Variants in IL1RAPL2 observed in about 807,000 individuals in gnomAD.
IL1RAPL2 encodes the protein X-linked interleukin-1 receptor accessory protein-like 2.
In IL1RAPL2, 3 loss-of-function variants were observed where a neutral mutation model predicts 44.1. That is an observed-to-expected ratio of 0.07 (90% CI 0.03 to 0.18). The LOEUF (loss-of-function observed/expected upper bound fraction) is 0.18. Ranked by LOEUF, IL1RAPL2 falls within the 10% of genes least tolerant of loss-of-function variation. The pLI is 1.00. For missense variants in IL1RAPL2, 391 were observed against 496.4 expected, an observed-to-expected ratio of 0.79 and a Z score of 2.02; for synonymous variants, 181 against 178.8, an observed-to-expected ratio of 1.01 and a Z score of -0.10.
intron 2 of IL1RAPL2, among the ~76,000 whole-genome samples, chrX:104,720,598 TAA>T (rs1248116991): frequency 1.8e-5 from 2 of 111,405 alleles, no homozygotes; most frequent in Non-Finnish European, 3.8e-5. Flanking sequence ...TCATGGTAGT[TAA>T]AGACTGATCT....
At chrX:105,693,830 G>A (rs1260811717) in intron 6 of IL1RAPL2, among the ~76,000 whole-genome samples, 5 of 111,062 alleles carry the variant, frequency 4.5e-5, no homozygotes, top group East Asian at 5.7e-4. Flanking sequence ...TTTGAAGCTC[G>A]AGGAAGCTGG....
At chrX:104,624,663 T>C (rs1298619615) in intron 1 of IL1RAPL2, among the ~76,000 whole-genome samples, 1 of 112,016 alleles carries the variant, frequency 8.9e-6, no homozygotes, top group African/African-American at 3.2e-5. Flanking sequence ...ACTTCCAGAA[T>C]TTATCTTACA....
At chrX:105,698,178 A>G (rs1388625124) in intron 6 of IL1RAPL2, among the ~76,000 whole-genome samples, 1 of 111,069 alleles carries the variant, frequency 9.0e-6, no homozygotes, top group African/African-American at 3.3e-5. Context: ...CATTGCCACT[A>G]TCATTATCAT....
rs778352099 is a variant in IL1RAPL2 at position 104,860,368 on chromosome X, G to T, written c.82+201373G>T. 3.6e-5 allele frequency among the ~76,000 whole-genome samples: 4 copies of T among 111,412 alleles called. No homozygotes were observed. In the South Asian group the frequency reaches 1.5e-3, roughly 42 times the overall value. On this transcript the variant is annotated intron_variant, in intron 2 of 10. Coordinates refer to ENST00000372582, the MANE Select transcript of IL1RAPL2 (RefSeq NM_017416.2). ...ATTTGCTTTTTCCCTATGTTTCTCTGTATCTACCTTTGTCCTTTGCATGTC... is the reference window on the plus strand; with the variant it reads ...ATTTGCTTTTTCCCTATGTTTCTCTTTATCTACCTTTGTCCTTTGCATGTC...
At chrX:105,261,642 T>G (rs1232645340) in intron 4 of IL1RAPL2, among the ~76,000 whole-genome samples, 1 of 111,723 alleles carries the variant, frequency 9.0e-6, no homozygotes, top group Non-Finnish European at 1.9e-5. Flanking sequence ...AGAGTAAGGC[T>G]GTTTTTACTG....
chrX:105,030,279 G>A (rs2031463527), intron 2 of IL1RAPL2, among the ~76,000 whole-genome samples: 1 of 110,963 alleles, frequency 9.0e-6, no homozygotes, highest in African/African-American at 3.3e-5. Flanking sequence ...TTTGGCTTTT[G>A]TTGCCATTGC....
intron 2 of IL1RAPL2, among the ~76,000 whole-genome samples, chrX:104,698,325 C>A (rs889183383): frequency 3.6e-5 from 4 of 112,132 alleles, no homozygotes; most frequent in African/African-American, 1.3e-4. Context: ...CAGCCCAACA[C>A]CCAAAGAAAA....
chrX:105,229,920 C>G (rs782653304), intron 3 of IL1RAPL2, among the ~76,000 whole-genome samples: 1 of 111,747 alleles, frequency 8.9e-6, no homozygotes, highest in Non-Finnish European at 1.9e-5. Context: ...GCCTCAGCCT[C>G]TGGAGTAGCT....
At chrX:105,675,676 G>T (rs927262507) in intron 6 of IL1RAPL2, among the ~76,000 whole-genome samples, 1 of 111,570 alleles carries the variant, frequency 9.0e-6, no homozygotes, top group Non-Finnish European at 1.9e-5. Context: ...TGGCCTCATA[G>T]AATGAGTTAG....
At chrX:105,588,551 C>T (rs1005029233) in intron 6 of IL1RAPL2, among the ~76,000 whole-genome samples, 4 of 87,698 alleles carry the variant, frequency 4.6e-5, no homozygotes, top group African/African-American at 2.3e-4. Flanking sequence ...CCAACCTGCA[C>T]CCTAAAAAAT....
intron 6 of IL1RAPL2, among the ~76,000 whole-genome samples, chrX:105,610,043 T>C (rs2037324245): frequency 8.9e-6 from 1 of 111,895 alleles, no homozygotes. Flanking sequence ...GAAAAGAGGC[T>C]GTCTGCTTGC....
intron 5 of IL1RAPL2, among the ~76,000 whole-genome samples, chrX:105,294,695 C>A (rs774514702): frequency 9.6e-4 from 107 of 112,005 alleles, no homozygotes; most frequent in Non-Finnish European, 1.8e-3. Flanking sequence ...ATGTACTCAA[C>A]CCTATGTTAG....
At position 104,991,895 on chromosome X, in the gene IL1RAPL2, T is replaced by C. The variant is rs148447560; in HGVS notation, c.83-203580T>C. Among the ~76,000 whole-genome samples the C allele has an allele frequency of 4.3e-3, 477 of 111,764 alleles. 3 individuals carry two copies. The highest frequency in any genetic ancestry group is 0.015 in the African/African-American group (448 of 30,821). On this transcript the variant is annotated intron_variant, in intron 2 of 10. Coordinates refer to ENST00000372582, the MANE Select transcript of IL1RAPL2 (RefSeq NM_017416.2). ...TTATGTAGGTGTGGGTTATTGGTCA[T>C]ATGTGAGCAAAACCGAAAATAATCT... is the stretch of plus-strand genomic sequence containing the variant.
chrX:105,686,101 G>A (rs1368462651), intron 6 of IL1RAPL2, among the ~76,000 whole-genome samples: 1 of 110,846 alleles, frequency 9.0e-6, no homozygotes, highest in Admixed American at 9.6e-5. Flanking sequence ...GCAAAAACAT[G>A]ACAAATTGTA....
intron 1 of IL1RAPL2, among the ~76,000 whole-genome samples, chrX:104,637,830 GTC>G (rs756013488): frequency 4.6e-5 from 5 of 108,799 alleles, no homozygotes; most frequent in Non-Finnish European, 7.7e-5. Flanking sequence ...GTGTCTGTGT[GTC>G]TGTGTGTGTG....
rs962216544 is a variant in IL1RAPL2, at chrX:105,082,812, A to C, written c.83-112663A>C. Among the ~76,000 whole-genome samples, 10 of 111,823 alleles carry C rather than the reference A, an allele frequency of 8.9e-5. No individual in the cohort carries two copies. The East Asian group carries it at 2.8e-3, about 32-fold the overall frequency. ...CATCCGAAGGTCACCAACATCAAAG[A>C]CCAAAGGTAGATAAATCCACAAAGA... On this transcript the variant is annotated intron_variant, in intron 2 of 10. Transcript: ENST00000372582.
At chrX:105,089,338 A>G (rs1241026812) in intron 2 of IL1RAPL2, among the ~76,000 whole-genome samples, 1 of 111,352 alleles carries the variant, frequency 9.0e-6, no homozygotes, top group African/African-American at 3.3e-5. Context: ...AAATATATAG[A>G]AATGAATGTG....
intron 4 of IL1RAPL2, among the ~76,000 whole-genome samples, chrX:105,239,627 C>G (rs376568574): frequency 6.8e-4 from 60 of 87,730 alleles, no homozygotes; most frequent in African/African-American, 5.1e-3. Context: ...AGAAACTTCC[C>G]TGGGTAGCTT....
At chrX:105,512,673 G>T (rs1304080976) in intron 6 of IL1RAPL2, among the ~76,000 whole-genome samples, 1 of 111,727 alleles carries the variant, frequency 9.0e-6, no homozygotes, top group African/African-American at 3.3e-5. Flanking sequence ...CTTCAAAGGA[G>T]TGTCAGACAA....
Sources: gnomAD v4.1 joint callset for allele counts (sites outside exome capture counted in the v4.1 genomes callset) on GRCh38, gnomAD v4.1.1 for gene constraint, MANE v1.5 for transcripts, NCBI Gene and HGNC (gene_info 2026-07-23, HGNC 2026-07-21) for gene names.